The following UNC5D variants were observed in gnomAD, a reference collection of about 807,000 sequenced individuals.
The protein encoded by UNC5D is unc-5 netrin receptor D.
Under a neutral mutation model 105.4 loss-of-function variants are expected in UNC5D, and 39 were observed. The observed-to-expected ratio is 0.37, with a 90% CI of 0.29 to 0.48. The LOEUF (loss-of-function observed/expected upper bound fraction) is 0.48, where lower values mean the gene tolerates loss of function less well. UNC5D is among the 20% of genes least tolerant of loss of function. UNC5D has a pLI of 0.98. For missense variants in UNC5D, 991 were observed against 1,202.4 expected, an observed-to-expected ratio of 0.82 and a Z score of 2.60; for synonymous variants, 452 against 450.4, an observed-to-expected ratio of 1.00 and a Z score of -0.04.
intron 11 of UNC5D, among the ~76,000 whole-genome samples, chr8:35,743,576 G>T (rs889218155): frequency 6.6e-6 from 1 of 151,006 alleles, no homozygotes; most frequent in Non-Finnish European, 1.5e-5. Flanking sequence ...ACCATGCCCA[G>T]CTGCACTCAC....
intron 1 of UNC5D, among the ~76,000 whole-genome samples, chr8:35,289,777 G>A (rs1806899087): frequency 6.6e-6 from 1 of 152,050 alleles, no homozygotes; most frequent in African/African-American, 2.4e-5. Flanking sequence ...ATGGCCAATA[G>A]GTATATGAAC....
intron 1 of UNC5D, among the ~76,000 whole-genome samples, chr8:35,378,273 A>G (rs1316913782): frequency 6.6e-6 from 1 of 152,192 alleles, no homozygotes; most frequent in Non-Finnish European, 1.5e-5. Context: ...GCTAAAACAG[A>G]AAATTTTCTC....
At chr8:35,518,860 T>G (rs1317305252) in intron 1 of UNC5D, among the ~76,000 whole-genome samples, 4 of 145,918 alleles carry the variant, frequency 2.7e-5, no homozygotes, top group African/African-American at 1.1e-4. Context: ...TCTTAGAAAT[T>G]CTCTTTACCT....
intron 1 of UNC5D, among the ~76,000 whole-genome samples, chr8:35,474,864 T>C (rs1432419203): frequency 6.6e-6 from 1 of 152,100 alleles, no homozygotes; most frequent in East Asian, 1.9e-4. Context: ...TTCACAGTGG[T>C]GGAAAGGAGG....
intron 3 of UNC5D, among the ~76,000 whole-genome samples, chr8:35,574,531 G>A (rs764963926): frequency 9.2e-5 from 14 of 152,156 alleles, no homozygotes; most frequent in Non-Finnish European, 1.6e-4. Context: ...CATAGTCAAA[G>A]AAGTATTATT....
chr8:35,537,646 C>T (rs1814933902), intron 1 of UNC5D, among the ~76,000 whole-genome samples: 1 of 151,566 alleles, frequency 6.6e-6, no homozygotes, highest in African/African-American at 2.4e-5. Flanking sequence ...CACTACTGCA[C>T]TCCAGCCTGG....
At chr8:35,373,025 A>G (rs937592272) in intron 1 of UNC5D, among the ~76,000 whole-genome samples, 5 of 152,332 alleles carry the variant, frequency 3.3e-5, no homozygotes, top group Admixed American at 2.0e-4. Context: ...TTTGGGGGCC[A>G]TGTAAATGGA....
At chr8:35,317,609 G>T (rs1273096400) in intron 1 of UNC5D, among the ~76,000 whole-genome samples, 3 of 152,064 alleles carry the variant, frequency 2.0e-5, no homozygotes, top group Admixed American at 6.6e-5. Context: ...ATCAGTCAAA[G>T]TAAACATTCC....
At chr8:35,616,678 C>G (rs1821045109) in intron 4 of UNC5D, among the ~76,000 whole-genome samples, 1 of 152,130 alleles carries the variant, frequency 6.6e-6, no homozygotes, top group African/African-American at 2.4e-5. Context: ...TTTGTTTCCT[C>G]TTGTAGGAGA....
chr8:35,506,389 A>G (rs1263807796), intron 1 of UNC5D, among the ~76,000 whole-genome samples: 1 of 152,214 alleles, frequency 6.6e-6, no homozygotes, highest in Non-Finnish European at 1.5e-5. Context: ...TATTACTTGT[A>G]TGGCAAATGG....
At chr8:35,766,761 A>T in intron 14 of UNC5D, 141 bp from the exon 15 acceptor site, 1 of 980,776 alleles carries the variant, frequency 1.0e-6, no homozygotes, top group Non-Finnish European at 1.4e-6. Context: ...AAAGCTGCCT[A>T]GGCAATTATC....
intron 4 of UNC5D, among the ~76,000 whole-genome samples, chr8:35,609,739 A>G (rs1376765053): frequency 1.3e-5 from 2 of 152,216 alleles, no homozygotes; most frequent in African/African-American, 4.8e-5. Flanking sequence ...TTCCTTGTGT[A>G]GGCCATGTTC....
chr8:35,439,076 A>T (rs887253940), intron 1 of UNC5D, among the ~76,000 whole-genome samples: 38 of 152,004 alleles, frequency 2.5e-4, no homozygotes, highest in African/African-American at 7.2e-4. Context: ...AAATTATTTA[A>T]ATTATCTCAG....
intron 16 of UNC5D, among the ~76,000 whole-genome samples, chr8:35,778,378 G>A (rs910312374): frequency 1.3e-5 from 2 of 152,112 alleles, no homozygotes; most frequent in Non-Finnish European, 2.9e-5. Flanking sequence ...GGGATTTTTT[G>A]GATGTAATCT....
intron 1 of UNC5D, among the ~76,000 whole-genome samples, chr8:35,269,423 C>T (rs1805116751): frequency 6.6e-6 from 1 of 152,206 alleles, no homozygotes; most frequent in Admixed American, 6.5e-5. Flanking sequence ...AGTTCAAATG[C>T]TCGCTTCTTC....
intron 1 of UNC5D, among the ~76,000 whole-genome samples, chr8:35,484,154 C>T (rs1031376407): frequency 2.6e-5 from 4 of 152,082 alleles, no homozygotes; most frequent in Non-Finnish European, 4.4e-5. Context: ...ATGCCAAGCT[C>T]CTTGTCCAAA....
intron 1 of UNC5D, among the ~76,000 whole-genome samples, chr8:35,442,055 T>C (rs1807442119): frequency 1.3e-5 from 2 of 151,994 alleles, no homozygotes. Flanking sequence ...AGCTGATGTT[T>C]CCTTGCAAAA....
intron 1 of UNC5D, among the ~76,000 whole-genome samples, chr8:35,310,798 A>G (rs1158658128): frequency 6.6e-6 from 1 of 152,050 alleles, no homozygotes; most frequent in Non-Finnish European, 1.5e-5. Context: ...TTATGATTTT[A>G]TTTAACTTTA....
At chr8:35,403,755 T>G (rs1174580652) in intron 1 of UNC5D, among the ~76,000 whole-genome samples, 1 of 152,182 alleles carries the variant, frequency 6.6e-6, no homozygotes, top group African/African-American at 2.4e-5. Context: ...ATAAGAAAAT[T>G]CTGCTGCTAA....
Sources: allele counts gnomAD v4.1 joint callset (sites outside exome capture counted in the v4.1 genomes callset), GRCh38; gene constraint gnomAD v4.1.1; transcripts MANE v1.5; gene names NCBI Gene and HGNC (gene_info 2026-07-23, HGNC 2026-07-21).